The following EIF4E3 variants were observed in gnomAD, a reference collection of about 807,000 sequenced individuals.
EIF4E3 encodes eukaryotic translation initiation factor 4E family member 3.
In EIF4E3, 26 loss-of-function variants were observed where a neutral mutation model predicts 31.7. The ratio of observed to expected loss-of-function variants is 0.82; its 90% confidence interval spans 0.60 to 1.14. The LOEUF (loss-of-function observed/expected upper bound fraction) is 1.14. Ranked by LOEUF, EIF4E3 falls within the 50% of genes most tolerant of loss-of-function variation. The pLI is 0.00. For synonymous variants in EIF4E3, 128 were observed against 107.7 expected, an observed-to-expected ratio of 1.19 and a Z score of -1.17; for missense variants, 304 against 270.9, an observed-to-expected ratio of 1.12 and a Z score of -0.86.
At chr3:71,754,340 G>T, upstream of EIF4E3, 1 of 1,292,194 alleles carries the variant, frequency 7.7e-7, no homozygotes, top group South Asian at 2.0e-5. This position sits in a 1 kb window ranked among gnomAD's most constrained non-coding sequence, Gnocchi z 5.8. Context: ...GCTGCAAGCT[G>T]CTCGCCTTCC....
At chr3:71,707,962 T>C (rs1559599377) in intron 2 of EIF4E3, among the ~76,000 whole-genome samples, 1 of 150,904 alleles carries the variant, frequency 6.6e-6, no homozygotes, top group Admixed American at 6.6e-5. Context: ...CTCAGCTCAC[T>C]GCAACCTCCA....
At chr3:71,749,156 T>C (rs1026031800) in intron 1 of EIF4E3, among the ~76,000 whole-genome samples, 2 of 152,270 alleles carry the variant, frequency 1.3e-5, no homozygotes, top group Non-Finnish European at 2.9e-5. Flanking sequence ...TTTAATTGAA[T>C]CTTCCCACAA....
rs1357957466 is a variant in EIF4E3, at chr3:71,683,326, A to C, written c.*1356T>G. 3 of 152,232 alleles carry C rather than the reference A, an allele frequency of 2.0e-5. No homozygotes were observed. Among genetic ancestry groups the C allele is most frequent in the Non-Finnish European group, 4.4e-5 (3 of 68,038 alleles). 9.4% of individuals were successfully genotyped at this position (152,232 alleles called of 1,614,324 possible). A position where few individuals can be genotyped will look rare whatever the true frequency, so the allele number is the denominator to read the frequency against. ...AAATCCCAGGTACAGTGAAGTTCTG[A>C]GTGCACTGCCCTTTTGAAAAATGTG... On this transcript the variant is annotated 3_prime_UTR_variant, in exon 7 of 7. Coordinates refer to ENST00000425534, the MANE Select transcript of EIF4E3 (RefSeq NM_001134651.2).
rs1436337164 is a variant in EIF4E3, at chr3:71,677,331, T to C, written c.*7351A>G. ...CATCGTCTTGTAGGATTCCAGAGAT[T>C]TTTTTATGCATTCATTAACGAAAAG... On this transcript the variant is annotated 3_prime_UTR_variant, in exon 7 of 7. Coordinates refer to ENST00000425534, the MANE Select transcript of EIF4E3 (RefSeq NM_001134651.2). 2 of 152,186 alleles carry C rather than the reference T, an allele frequency of 1.3e-5. No homozygotes were observed. Among genetic ancestry groups the C allele is most frequent in the Non-Finnish European group, 2.9e-5 (2 of 68,030 alleles). The allele number at this position is 152,186 out of a possible 1,614,324, so 9.4% of individuals were successfully genotyped here.
chr3:71,717,553 T>C (rs577612006), intron 1 of EIF4E3, among the ~76,000 whole-genome samples: 2 of 152,252 alleles, frequency 1.3e-5, no homozygotes, highest in East Asian at 3.9e-4. Flanking sequence ...TGGCTCTTGG[T>C]TTCCTTATTT....
chr3:71,675,044 G>A (rs756780802), downstream of EIF4E3, among the ~76,000 whole-genome samples: 6 of 152,110 alleles, frequency 3.9e-5, no homozygotes, highest in Non-Finnish European at 7.4e-5. Flanking sequence ...AGAATCCTAC[G>A]GTCTCCCTGT....
chr3:71,745,618 T>G (rs890888419), intron 1 of EIF4E3, among the ~76,000 whole-genome samples: 2 of 152,208 alleles, frequency 1.3e-5, no homozygotes, highest in African/African-American at 4.8e-5. Context: ...GCAGCTTTGA[T>G]ATGCAATATT....
intron 3 of EIF4E3, 27 bp downstream of exon 3, chr3:71,699,587 A>T (rs1205729242): frequency 6.3e-7 from 1 of 1,595,130 alleles, no homozygotes; most frequent in Admixed American, 1.7e-5. Flanking sequence ...TCCCACCTTG[A>T]CCTTAAATTA....
chr3:71,663,706 C>T, the EIF4E3 span, among the ~76,000 whole-genome samples: 3 of 152,242 alleles, frequency 2.0e-5, no homozygotes, highest in Non-Finnish European at 4.4e-5. Flanking sequence ...TACCGGGAGA[C>T]GTCCCGCCTG....
intron 2 of EIF4E3, among the ~76,000 whole-genome samples, chr3:71,708,520 T>C (rs2049327591): frequency 6.6e-6 from 1 of 152,118 alleles, no homozygotes; most frequent in Non-Finnish European, 1.5e-5. Flanking sequence ...TGCTTTAAAT[T>C]GCTCCCTGAA....
At chr3:71,711,192 T>A (rs900809524) in intron 1 of EIF4E3, among the ~76,000 whole-genome samples, 1 of 152,204 alleles carries the variant, frequency 6.6e-6, no homozygotes, top group African/African-American at 2.4e-5. Context: ...TTGCCTGGGA[T>A]GGTAAAATGA....
At chr3:71,671,147 A>G (rs907310099), downstream of EIF4E3, among the ~76,000 whole-genome samples, 2 of 152,116 alleles carry the variant, frequency 1.3e-5, no homozygotes, top group Non-Finnish European at 1.5e-5. Context: ...ATGGCCATAC[A>G]CACTATGCGT....
intron 4 of EIF4E3, 102 bp from the exon 5 acceptor site, chr3:71,694,043 TGC>T (rs2049100674): frequency 1.6e-5 from 19 of 1,174,648 alleles, no homozygotes; most frequent in Non-Finnish European, 2.1e-5. Context: ...CAACTTCACA[TGC>T]ACTTTCTGTG....
rs1479503898 is a variant in EIF4E3 at position 71,677,007 on chromosome 3, G to C, written c.*7675C>G. The C allele has an allele frequency of 6.6e-6, 1 of 152,206 alleles. No individual in the cohort carries two copies. Among genetic ancestry groups the C allele is most frequent in the African/African-American group, 2.4e-5 (1 of 41,452 alleles). 9.4% of individuals were successfully genotyped at this position (152,206 alleles called of 1,614,324 possible). ...GTTTCCTGAGTTAAAGAGGAAATTGGGGAGTAAGAGCTTGTCCACATCTTT... is the reference window on the plus strand; with the variant it reads ...GTTTCCTGAGTTAAAGAGGAAATTGCGGAGTAAGAGCTTGTCCACATCTTT... On this transcript the variant is annotated 3_prime_UTR_variant, in exon 7 of 7. Coordinates refer to ENST00000425534, the MANE Select transcript of EIF4E3 (RefSeq NM_001134651.2).
chr3:71,709,786 T>A (rs1384886721), intron 2 of EIF4E3, among the ~76,000 whole-genome samples: 1 of 152,188 alleles, frequency 6.6e-6, no homozygotes, highest in African/African-American at 2.4e-5. Context: ...TGCTATGTAT[T>A]AGGTATTCCA....
chr3:71,669,328 C>G, the EIF4E3 span, among the ~76,000 whole-genome samples: 1 of 152,200 alleles, frequency 6.6e-6, no homozygotes. Context: ...GTGTAGCAAA[C>G]CACCATGGCA....
chr3:71,665,500 T>C, the EIF4E3 span, among the ~76,000 whole-genome samples: 8 of 152,246 alleles, frequency 5.3e-5, no homozygotes, highest in African/African-American at 1.9e-4. Context: ...ACTTTTCCCC[T>C]ATTTTGAATG....
chr3:71,707,981 G>A (rs897778976), intron 2 of EIF4E3, among the ~76,000 whole-genome samples: 4 of 151,686 alleles, frequency 2.6e-5, no homozygotes, highest in Admixed American at 6.6e-5. Context: ...CACTTCCCGG[G>A]TTAAAGCAAT....
the EIF4E3 span, among the ~76,000 whole-genome samples, chr3:71,660,112 G>T: frequency 1.3e-5 from 2 of 152,174 alleles, no homozygotes; most frequent in African/African-American, 4.8e-5. Context: ...TGCTCTAGGG[G>T]GCCCAGCCTC....
Sources: gnomAD v4.1 joint callset for allele counts (sites outside exome capture counted in the v4.1 genomes callset) on GRCh38, gnomAD v4.1.1 for gene constraint, Gnocchi (gnomAD v3.1) non-coding constraint, MANE v1.5 for transcripts, NCBI Gene and HGNC (gene_info 2026-07-23, HGNC 2026-07-21) for gene names.